The following THSD7B variants were observed in gnomAD, a reference collection of about 807,000 sequenced individuals.
The protein encoded by THSD7B is thrombospondin type 1 domain containing 7B, also known as thrombospondin type-1 domain-containing protein 7B.
Under a neutral mutation model 213.6 loss-of-function variants are expected in THSD7B, and 138 were observed. The ratio of observed to expected loss-of-function variants is 0.65; its 90% CI spans 0.56 to 0.74. The LOEUF is 0.74. Ranked by LOEUF, THSD7B falls within the 30% of genes least tolerant of loss-of-function variation. The pLI, the probability that THSD7B is intolerant of heterozygous loss-of-function variation, is 0.00. For synonymous variants in THSD7B, 742 were observed against 687.0 expected (o/e 1.08, Z -1.25); for missense variants, 1,931 against 1,991.5 (o/e 0.97, Z 0.58).
chr2:137,232,941 G>A lies in THSD7B; in HGVS notation c.1958G>A (p.Arg653His), dbSNP rs545590725. 42 of 1,613,938 alleles carry A rather than the reference G, an allele frequency of 2.6e-5. No individual in the cohort carries two copies. In the South Asian group the frequency reaches 4.1e-4, roughly 16 times the overall value. Reference sequence around the variant, plus strand: ...CCTAGTCAGGCTCTCCAAGAGCATCGTTTGTGTAATGACCATTCCTGTATG... The same window carrying A: ...CCTAGTCAGGCTCTCCAAGAGCATCATTTGTGTAATGACCATTCCTGTATG... ...CPPSQALQEH[R>H]LCNDHSCMQL... Residue 653 changes from arginine to histidine, a missense_variant, in exon 9 of 28, where the codon CGT becomes CAT. Arg to His is a conservative substitution (Grantham distance 29). Coordinates refer to ENST00000409968, the MANE Select transcript of THSD7B (RefSeq NM_001316349.2).
At chr2:137,015,637 C>T (rs899936207) in intron 2 of THSD7B, among the ~76,000 whole-genome samples, 1 of 152,166 alleles carries the variant, frequency 6.6e-6, no homozygotes, top group African/African-American at 2.4e-5. Context: ...TAATTGCTGT[C>T]TTCCTGGTGC....
chr2:137,045,102 A>AT lies in THSD7B; in HGVS notation c.140-11315dup, dbSNP rs1347644108. On this transcript the variant is annotated intron_variant, in intron 2 of 27. Coordinates refer to ENST00000409968, the MANE Select transcript of THSD7B (RefSeq NM_001316349.2). The stretch of plus-strand genomic sequence containing the variant: ...AGGTGCAACAGCAAAACTAGGATGA[A>AT]TTTCTTTTTCCTTCTTCATAATTTC... Among the ~76,000 whole-genome samples, 10 of 152,210 alleles carry AT rather than the reference A, an allele frequency of 6.6e-5. No homozygotes were observed. The East Asian group carries it at 1.9e-3, about 29-fold the overall frequency.
intron 14 of THSD7B, among the ~76,000 whole-genome samples, chr2:137,438,429 A>G (rs1687335756): frequency 6.6e-6 from 1 of 152,106 alleles, no homozygotes; most frequent in Non-Finnish European, 1.5e-5. Flanking sequence ...ATTTTCTATA[A>G]AAGTCTAGAT....
At chr2:137,619,496 C>G (rs1682473041) in intron 19 of THSD7B, among the ~76,000 whole-genome samples, 1 of 152,176 alleles carries the variant, frequency 6.6e-6, no homozygotes. Context: ...CTGAAACTGA[C>G]TGATACAGGG....
intron 15 of THSD7B, among the ~76,000 whole-genome samples, chr2:137,547,093 T>A (rs1680755280): frequency 1.3e-5 from 2 of 152,046 alleles, no homozygotes; most frequent in South Asian, 4.1e-4. Context: ...ATAATAAAAG[T>A]CTCCAACTGT....
At chr2:136,950,683 G>A (rs559061833) in intron 2 of THSD7B, among the ~76,000 whole-genome samples, 13 of 151,996 alleles carry the variant, frequency 8.6e-5, no homozygotes, top group African/African-American at 1.9e-4. Context: ...TGCAATTATC[G>A]CCATTAAAAA....
chr2:137,290,111 T>A (rs1683290027), intron 12 of THSD7B, among the ~76,000 whole-genome samples: 1 of 110,262 alleles, frequency 9.1e-6, no homozygotes, highest in African/African-American at 3.2e-5. Context: ...AAGAGTTTTC[T>A]TTTTTTTTTT....
intron 10 of THSD7B, among the ~76,000 whole-genome samples, chr2:137,270,592 A>C (rs968816558): frequency 2.0e-5 from 3 of 152,190 alleles, no homozygotes; most frequent in African/African-American, 7.2e-5. Context: ...GGTAAGACCA[A>C]AAAGTAGAGA....
At chr2:137,363,310 C>T (rs577699247) in intron 12 of THSD7B, among the ~76,000 whole-genome samples, 1 of 152,228 alleles carries the variant, frequency 6.6e-6, no homozygotes, top group African/African-American at 2.4e-5. Context: ...GACACCCTAA[C>T]ATCACAATAA....
chr2:137,011,920 T>C (rs940120667), intron 2 of THSD7B, among the ~76,000 whole-genome samples: 2 of 152,212 alleles, frequency 1.3e-5, no homozygotes, highest in Non-Finnish European at 2.9e-5. Context: ...TACTAGATTA[T>C]AAATTCTTGG....
chr2:136,839,178 G>A (rs1302933034), intron 1 of THSD7B, among the ~76,000 whole-genome samples: 1 of 152,200 alleles, frequency 6.6e-6, no homozygotes. Context: ...CAAAGATCAA[G>A]CATGCCTCAC....
chr2:137,070,705 C>G (rs1172442252), intron 3 of THSD7B, among the ~76,000 whole-genome samples: 2 of 152,128 alleles, frequency 1.3e-5, no homozygotes, highest in Admixed American at 1.3e-4. Context: ...AATGCTATCC[C>G]TCCCCCTGTC....
rs559170635 is a variant in THSD7B at position 137,193,050 on chromosome 2, G to A, written c.1723+22112G>A. Among the ~76,000 whole-genome samples, 5 of 152,194 alleles carry A rather than the reference G, an allele frequency of 3.3e-5. No individual in the cohort carries two copies. In the South Asian group the frequency reaches 1.0e-3, roughly 32 times the overall value. ...AGGGTGTGCACTAACTGTGGAAACA[G>A]TTCAGCATGTATTGAGAAATGTTCA... On this transcript the variant is annotated intron_variant, in intron 7 of 27. Transcript: ENST00000409968.
chr2:137,550,866 G>A (rs1395414326), intron 15 of THSD7B, among the ~76,000 whole-genome samples: 3 of 152,002 alleles, frequency 2.0e-5, no homozygotes, highest in Admixed American at 6.6e-5. Flanking sequence ...GAAAATGAAA[G>A]GTAGAGTCCA....
intron 15 of THSD7B, among the ~76,000 whole-genome samples, chr2:137,505,803 C>T (rs1045385263): frequency 4.6e-5 from 7 of 152,200 alleles, no homozygotes; most frequent in African/African-American, 1.4e-4. Flanking sequence ...AGCACCAGGG[C>T]TGTCAGGAAG....
Position 137,220,483 on chromosome 2 carries a change from C to G in THSD7B, c.1724-10561C>G, listed in dbSNP as rs11892718. The stretch of plus-strand genomic sequence containing the variant: ...TAAAAATACAGTTTAATAACACTAC[C>G]CACCTATAAGAATGACAACAATTCA... On this transcript the variant is annotated intron_variant, in intron 7 of 27. Coordinates refer to ENST00000409968, the MANE Select transcript of THSD7B (RefSeq NM_001316349.2). Among the ~76,000 whole-genome samples, 10 of 152,112 alleles carry G rather than the reference C, an allele frequency of 6.6e-5. No homozygotes were observed. In the South Asian group the frequency reaches 1.7e-3, roughly 25 times the overall value.
intron 5 of THSD7B, among the ~76,000 whole-genome samples, chr2:137,157,687 C>T (rs1679937087): frequency 6.6e-6 from 1 of 152,204 alleles, no homozygotes; most frequent in African/African-American, 2.4e-5. Flanking sequence ...CCCAGGTCCA[C>T]TGCTCACTAG....
chr2:137,491,836 A>G (rs920454801), intron 15 of THSD7B, among the ~76,000 whole-genome samples: 10 of 152,348 alleles, frequency 6.6e-5, no homozygotes, highest in East Asian at 5.8e-4. Context: ...GATGAATTAA[A>G]TTGTTCCTAG....
chr2:137,541,251 G>C (rs972326377), intron 15 of THSD7B, among the ~76,000 whole-genome samples: 22 of 151,480 alleles, frequency 1.5e-4, no homozygotes, highest in African/African-American at 4.6e-4. Flanking sequence ...TTCCAGGACT[G>C]CCATATTATA....
Sources: allele counts gnomAD v4.1 joint callset (sites outside exome capture counted in the v4.1 genomes callset), GRCh38; gene constraint gnomAD v4.1.1; transcripts MANE v1.5; gene names NCBI Gene and HGNC (gene_info 2026-07-23, HGNC 2026-07-21).